The following HDDC2 variants were observed in gnomAD, a reference collection of about 807,000 sequenced individuals.
HDDC2 encodes the protein HD domain containing 2, also known as 5'-deoxynucleotidase HDDC2.
In HDDC2, 25 loss-of-function variants were observed where a neutral mutation model predicts 25.5. That is an observed-to-expected ratio of 0.98 (90% CI 0.72 to 1.37). The LOEUF (loss-of-function observed/expected upper bound fraction) is 1.37, where lower values mean the gene tolerates loss of function less well. Ranked by LOEUF, HDDC2 falls within the 40% of genes most tolerant of loss-of-function variation. The pLI, the probability that HDDC2 is intolerant of heterozygous loss-of-function variation, is 0.00. For synonymous variants in HDDC2, 106 were observed against 89.7 expected, an observed-to-expected ratio of 1.18 and a Z score of -1.03; for missense variants, 264 against 253.1, an observed-to-expected ratio of 1.04 and a Z score of -0.29.
chr6:125,300,875 A>G (rs114060396), intron 1 of HDDC2, among the ~76,000 whole-genome samples: 1 of 150,076 alleles, frequency 6.7e-6, no homozygotes, highest in Admixed American at 6.6e-5. Flanking sequence ...ACAGAGAGAG[A>G]TAAGTCACAA....
intron 2 of HDDC2, among the ~76,000 whole-genome samples, chr6:125,299,461 T>G (rs1027280581): frequency 6.6e-6 from 1 of 152,342 alleles, no homozygotes; most frequent in East Asian, 1.9e-4. Flanking sequence ...TTATGATTAT[T>G]AGCGGTTAAG....
At chr6:125,300,321 G>A (rs1798775729) in intron 2 of HDDC2, 2 of 529,802 alleles carry the variant, frequency 3.8e-6, no homozygotes, top group South Asian at 5.5e-5. Flanking sequence ...TGATACCCTA[G>A]GCAGGCTCTA....
intron 2 of HDDC2, among the ~76,000 whole-genome samples, chr6:125,299,891 G>A (rs914222619): frequency 5.9e-5 from 9 of 152,086 alleles, no homozygotes; most frequent in Non-Finnish European, 8.8e-5. Flanking sequence ...CTCTGGCTAC[G>A]TTAACCCTTT....
In HDDC2 at chr6:125,292,869, A is replaced by G; in HGVS notation, c.350T>C (p.Leu117Pro). ...CCAAAGTTCATAGAGCTCCTTTCTG[A>G]GGTCCTCTGGTAGGAGCTGGGTTAT... ...KQITQLLPEDLRKELYELWEE... is the reference protein window; with the variant it reads ...KQITQLLPEDPRKELYELWEE... Residue 117 changes from leucine (L) to proline (P), a missense_variant, in exon 4 of 6, where the codon CTC becomes CCC. By Grantham distance (98) the Leu-to-Pro change is moderately conservative. Transcript: ENST00000398153. 6.2e-7 allele frequency: 1 copy of G among 1,613,120 alleles called. No individual in the cohort carries two copies. Among genetic ancestry groups the G allele is most frequent in the Non-Finnish European group, 8.5e-7 (1 of 1,179,356 alleles).
At chr6:125,296,036 A>G (rs943268780) in intron 3 of HDDC2, among the ~76,000 whole-genome samples, 1 of 152,106 alleles carries the variant, frequency 6.6e-6, no homozygotes, top group Non-Finnish European at 1.5e-5. Context: ...CAAAACAATC[A>G]GCCTTCCAGG....
At chr6:125,276,427 GCT>G in intron 5 of HDDC2, 184 bp from the exon 6 acceptor site, 2 of 582,064 alleles carry the variant, frequency 3.4e-6, no homozygotes, top group Non-Finnish European at 6.1e-6. Context: ...TGGCATTTAC[GCT>G]CTGTCACCCC....
intron 3 of HDDC2, among the ~76,000 whole-genome samples, chr6:125,296,378 G>A (rs1191972352): frequency 1.3e-5 from 2 of 152,088 alleles, no homozygotes; most frequent in African/African-American, 2.4e-5. Context: ...TTAGTTTAGA[G>A]GCTCACTGAT....
chr6:125,281,114 C>T (rs1401570577), intron 4 of HDDC2, among the ~76,000 whole-genome samples: 3 of 152,130 alleles, frequency 2.0e-5, no homozygotes, highest in Non-Finnish European at 4.4e-5. Context: ...AGAAGAGGGG[C>T]CTGACTGTTA....
At chr6:125,284,800 A>G (rs1399616095) in intron 4 of HDDC2, among the ~76,000 whole-genome samples, 1 of 152,210 alleles carries the variant, frequency 6.6e-6, no homozygotes, top group Non-Finnish European at 1.5e-5. Flanking sequence ...TTGACCCAGC[A>G]ATCCCATTAC....
chr6:125,276,455 T>G, intron 5 of HDDC2: 1 of 559,808 alleles, frequency 1.8e-6, no homozygotes, highest in Non-Finnish European at 3.2e-6. Context: ...CAACTGAGAA[T>G]AAGGATGAGA....
At chr6:125,288,012 TAG>T (rs1798568550) in intron 4 of HDDC2, among the ~76,000 whole-genome samples, 3 of 152,144 alleles carry the variant, frequency 2.0e-5, no homozygotes, top group African/African-American at 7.2e-5. Context: ...TGTGAGGAAG[TAG>T]AGTTGGGGAG....
chr6:125,283,399 T>C (rs1267153985), intron 4 of HDDC2, among the ~76,000 whole-genome samples: 1 of 152,180 alleles, frequency 6.6e-6, no homozygotes, highest in Non-Finnish European at 1.5e-5. Context: ...GATGTCATGA[T>C]TATATATTTA....
intron 3 of HDDC2, among the ~76,000 whole-genome samples, chr6:125,295,748 C>A (rs1187397266): frequency 1.3e-5 from 2 of 152,156 alleles, no homozygotes; most frequent in African/African-American, 4.8e-5. Flanking sequence ...CAGACACAGG[C>A]ATACCACGAC....
At chr6:125,289,659 A>G (rs1026195294) in intron 4 of HDDC2, among the ~76,000 whole-genome samples, 1 of 152,056 alleles carries the variant, frequency 6.6e-6, no homozygotes, top group Non-Finnish European at 1.5e-5. Flanking sequence ...TGGGGTCCTT[A>G]TGCTGCTCTA....
chr6:125,298,261 T>C (rs1218816520), intron 3 of HDDC2, among the ~76,000 whole-genome samples: 3 of 151,978 alleles, frequency 2.0e-5, no homozygotes, highest in Non-Finnish European at 4.4e-5. Context: ...AAAAATAAAA[T>C]AAAATAAAAA....
At position 125,301,486 on chromosome 6, in the gene HDDC2, A is replaced by ACACGCG. The variant is rs1554222395; in HGVS notation, c.84+362_84+363insCGCGTG. ...ACACGAGTTCTGGGGTCGTGAGCAC[A>ACACGCG]CACACACACACACACACACACGAGT... On this transcript the variant is annotated intron_variant, in intron 1 of 5. Transcript: ENST00000398153. 4.7e-4 allele frequency among the ~76,000 whole-genome samples: 69 copies of ACACGCG among 147,374 alleles called. 2 individuals carry two copies. The highest frequency in any genetic ancestry group is 1.6e-3 in the African/African-American group (65 of 39,592).
At position 125,285,264 on chromosome 6, in the gene HDDC2, G is replaced by A. The variant is rs147269406; in HGVS notation, c.378+7577C>T. Among the ~76,000 whole-genome samples the A allele has an allele frequency of 6.7e-4, 102 of 151,856 alleles. No homozygotes were observed. The East Asian group carries it at 0.015, about 22-fold the overall frequency. On this transcript the variant is annotated intron_variant, in intron 4 of 5. Transcript: ENST00000398153. ...ACCACCATGCCACATGTATACCTAG[G>A]TAACAAACCTGCACGTTCTGCACAT...
chr6:125,292,611 G>C (rs1798647717), intron 4 of HDDC2, among the ~76,000 whole-genome samples: 1 of 152,156 alleles, frequency 6.6e-6, no homozygotes, highest in African/African-American at 2.4e-5. Context: ...CAAGGGCTGA[G>C]TCAAGTGCCA....
At chr6:125,289,443 G>A (rs1798595111) in intron 4 of HDDC2, among the ~76,000 whole-genome samples, 1 of 131,544 alleles carries the variant, frequency 7.6e-6, no homozygotes, top group Non-Finnish European at 1.6e-5. Flanking sequence ...TAACTAACCT[G>A]CACAATGTGC....
Sources: allele counts gnomAD v4.1 joint callset (sites outside exome capture counted in the v4.1 genomes callset), GRCh38; gene constraint gnomAD v4.1.1; transcripts MANE v1.5; gene names NCBI Gene and HGNC (gene_info 2026-07-23, HGNC 2026-07-21).